Variants in DYM observed in about 807,000 individuals in gnomAD.
DYM encodes the protein dyggve-Melchior-Clausen syndrome protein.
A neutral mutation model predicts 93.1 loss-of-function variants in DYM; 78 were observed. The observed-to-expected ratio is 0.84, with a 90% confidence interval of 0.70 to 1.01. DYM has a LOEUF of 1.01. Among genes scored for constraint, DYM ranks in the 50% least tolerant of loss-of-function variants. DYM has a pLI of 0.00. For synonymous variants in DYM, 321 were observed against 319.7 expected (o/e 1.00, Z -0.04); for missense variants, 789 against 845.0 (o/e 0.93, Z 0.82).
chr18:49,083,044 T>C (rs1694164974), intron 17 of DYM, among the ~76,000 whole-genome samples: 2 of 151,824 alleles, frequency 1.3e-5, no homozygotes, highest in South Asian at 4.2e-4. Context: ...AGCAAACATT[T>C]TCTATAAAGG....
chr18:49,447,001 G>C (rs1211351064), intron 1 of DYM, among the ~76,000 whole-genome samples: 1 of 151,668 alleles, frequency 6.6e-6, no homozygotes, highest in Non-Finnish European at 1.5e-5. Flanking sequence ...AGAGGCTGCA[G>C]TGAGCTGAGA....
chr18:49,437,764 T>A lies in DYM; in HGVS notation c.-53-7317A>T, dbSNP rs72642469. On this transcript the variant is annotated intron_variant, in intron 1 of 17. Transcript: ENST00000675505. ...GATCCTTGCCAACTTAGATTTTTTT[T>A]AAAAAGCAGTTTTTCAATACAATTT... 3.7e-3 allele frequency among the ~76,000 whole-genome samples: 557 copies of A among 152,312 alleles called. 28 individuals carry two copies. In the East Asian group the frequency reaches 0.089, roughly 24 times the overall value.
At chr18:49,426,236 G>A (rs971641429) in intron 2 of DYM, among the ~76,000 whole-genome samples, 7 of 152,126 alleles carry the variant, frequency 4.6e-5, no homozygotes, top group East Asian at 1.9e-4. Flanking sequence ...ATGAGTTCAC[G>A]TCCTCTGTAG....
chr18:49,361,914 C>T (rs904615619), intron 6 of DYM, among the ~76,000 whole-genome samples: 1 of 151,906 alleles, frequency 6.6e-6, no homozygotes, highest in African/African-American at 2.4e-5. Flanking sequence ...TTAGTAGAAA[C>T]GGGGTTTCAC....
rs181613204 is a variant in DYM, at chr18:49,037,572, A to C, written c.*6483T>G. On this transcript the variant is annotated 3_prime_UTR_variant, in exon 18 of 18. Transcript: ENST00000675505. ...AACAAACCTGAACAGGTACTCTTTA[A>C]ATTTAAAATAAAATTAAAAGGTCTT... Among the ~76,000 whole-genome samples, 2 of 150,530 alleles carry C rather than the reference A, an allele frequency of 1.3e-5. No individual in the cohort carries two copies. The highest frequency in any genetic ancestry group is 1.3e-4 in the Admixed American group (2 of 15,156).
At chr18:49,064,408 T>C (rs73439659) in intron 17 of DYM, among the ~76,000 whole-genome samples, 5,575 of 152,304 alleles carry the variant, frequency 0.037, 328 homozygotes, top group African/African-American at 0.13. Flanking sequence ...AAAATGCCTT[T>C]GAAGTAAACG....
At chr18:49,152,970 G>A (rs994200841) in intron 15 of DYM, among the ~76,000 whole-genome samples, 1 of 152,150 alleles carries the variant, frequency 6.6e-6, no homozygotes, top group African/African-American at 2.4e-5. Context: ...TGGGGGAAAG[G>A]AGATGTTGGT....
At chr18:49,398,053 A>G (rs2070330714) in intron 2 of DYM, among the ~76,000 whole-genome samples, 1 of 152,204 alleles carries the variant, frequency 6.6e-6, no homozygotes, top group Non-Finnish European at 1.5e-5. Context: ...TACTAACTAT[A>G]GTGAATATCC....
At chr18:49,382,907 G>C (rs1244069113) in intron 3 of DYM, among the ~76,000 whole-genome samples, 1 of 152,172 alleles carries the variant, frequency 6.6e-6, no homozygotes, top group East Asian at 1.9e-4. Flanking sequence ...TGAGATGAGA[G>C]ATTAAATTTG....
intron 10 of DYM, among the ~76,000 whole-genome samples, chr18:49,279,217 T>C (rs1045169006): frequency 3.3e-5 from 5 of 152,172 alleles, no homozygotes; most frequent in Non-Finnish European, 7.3e-5. Context: ...AGACCATCAA[T>C]AGAAAGAATC....
At chr18:49,264,118 G>C (rs1277677316) in intron 11 of DYM, among the ~76,000 whole-genome samples, 1 of 112,292 alleles carries the variant, frequency 8.9e-6, no homozygotes, top group Non-Finnish European at 1.9e-5. Flanking sequence ...TTTTTTTTTT[G>C]AGTTTTATTA....
chr18:49,409,114 T>C (rs2071880725), intron 2 of DYM, among the ~76,000 whole-genome samples: 1 of 151,708 alleles, frequency 6.6e-6, no homozygotes, highest in Non-Finnish European at 1.5e-5. Context: ...CGAAACCCCG[T>C]CTCTACTAAA....
chr18:49,426,063 C>T (rs7244977), intron 2 of DYM, among the ~76,000 whole-genome samples: 105,281 of 151,382 alleles, frequency 0.7, 36,728 homozygotes, highest in Admixed American at 0.74. Context: ...CCCACAGGAC[C>T]GTAAAGCATG....
intron 8 of DYM, among the ~76,000 whole-genome samples, chr18:49,295,083 T>G (rs2060437535): frequency 6.7e-6 from 1 of 150,076 alleles, no homozygotes; most frequent in African/African-American, 2.4e-5. Context: ...GTAATGAGGA[T>G]ACAAGCATTA....
chr18:49,142,517 C>T (rs115458606), intron 15 of DYM, among the ~76,000 whole-genome samples: 1,616 of 152,266 alleles, frequency 0.011, 26 homozygotes, highest in African/African-American at 0.037. Context: ...CATGTTATTA[C>T]ATTACTCATG....
chr18:49,102,420 TTC>T (rs2080263458), intron 16 of DYM, among the ~76,000 whole-genome samples: 1 of 151,150 alleles, frequency 6.6e-6, no homozygotes, highest in African/African-American at 2.4e-5. Flanking sequence ...GATATCTTAT[TTC>T]TTTTTTTTAA....
intron 6 of DYM, among the ~76,000 whole-genome samples, chr18:49,339,202 T>C (rs2063894519): frequency 6.6e-6 from 1 of 152,244 alleles, no homozygotes; most frequent in Admixed American, 6.5e-5. Flanking sequence ...TAGTCAGTTT[T>C]AGAGAACCTA....
intron 14 of DYM, among the ~76,000 whole-genome samples, chr18:49,180,526 A>G (rs1352243759): frequency 2.0e-5 from 3 of 152,174 alleles, no homozygotes; most frequent in Admixed American, 6.5e-5. Flanking sequence ...AGGAACTTAA[A>G]GAAAATTGAT....
intron 16 of DYM, among the ~76,000 whole-genome samples, chr18:49,117,918 C>T (rs908402523): frequency 3.3e-5 from 5 of 151,028 alleles, no homozygotes; most frequent in Non-Finnish European, 5.9e-5. Flanking sequence ...AGGATGGTCT[C>T]GATCTCCCGA....
Sources: allele counts gnomAD v4.1 joint callset (sites outside exome capture counted in the v4.1 genomes callset), GRCh38; gene constraint gnomAD v4.1.1; transcripts MANE v1.5; gene names NCBI Gene and HGNC (gene_info 2026-07-23, HGNC 2026-07-21).